PDE7B: variants seen among roughly 807,000 people sequenced by gnomAD.
The protein encoded by PDE7B is 3',5'-cyclic-AMP phosphodiesterase 7B.
A neutral mutation model predicts 56.2 loss-of-function variants in PDE7B; 29 were observed. The observed-to-expected ratio is 0.52, with a 90% CI of 0.38 to 0.70. PDE7B has a LOEUF of 0.70. Among genes scored for constraint, PDE7B ranks in the 30% least tolerant of loss-of-function variants. The pLI is 0.00. For synonymous variants in PDE7B, 197 were observed against 196.9 expected, an observed-to-expected ratio of 1.00 and a Z score of 0.00; for missense variants, 490 against 565.0, an observed-to-expected ratio of 0.87 and a Z score of 1.35.
chr6:136,037,801 C>G (rs1376745594), intron 2 of PDE7B: 18 of 985,426 alleles, frequency 1.8e-5, no homozygotes, highest in Non-Finnish European at 2.2e-5. Context: ...TAAGAGTCAA[C>G]AAACTTTGAC....
In PDE7B at chr6:136,173,787, T is replaced by C. The variant is rs1403537370; in HGVS notation, c.712-10T>C. On this transcript the variant is annotated splice_polypyrimidine_tract_variant and intron_variant, in intron 8 of 12. Transcript: ENST00000308191. The stretch of plus-strand genomic sequence containing the variant: ...CTCTCATTTATAACTCTTATTTTCT[T>C]TCTTTCTAGAATATGTCTGTGCTGG... The C allele has an allele frequency of 1.3e-6, 2 of 1,574,898 alleles. No homozygotes were observed. Among genetic ancestry groups the C allele is most frequent in the Admixed American group, 1.7e-5 (1 of 59,836 alleles).
intron 2 of PDE7B, among the ~76,000 whole-genome samples, chr6:136,002,267 C>G (rs1394247271): frequency 6.6e-6 from 1 of 152,180 alleles, no homozygotes; most frequent in Non-Finnish European, 1.5e-5. Context: ...TCAAGACCGT[C>G]AAGGCTAGGA....
intron 2 of PDE7B, among the ~76,000 whole-genome samples, chr6:136,012,980 C>T (rs1265128996): frequency 6.6e-6 from 1 of 152,060 alleles, no homozygotes; most frequent in East Asian, 1.9e-4. Context: ...AGGATTTCAT[C>T]CAATATAACA....
chr6:135,986,335 G>A (rs1327899726), intron 2 of PDE7B, among the ~76,000 whole-genome samples: 1 of 152,154 alleles, frequency 6.6e-6, no homozygotes, highest in East Asian at 1.9e-4. Flanking sequence ...TGCTCTTTCT[G>A]TACATTGCAA....
chr6:136,082,417 G>A (rs773743694), intron 2 of PDE7B, among the ~76,000 whole-genome samples: 2 of 152,184 alleles, frequency 1.3e-5, no homozygotes, highest in Non-Finnish European at 2.9e-5. Context: ...GACCTTAAGA[G>A]TAAGATTAAT....
chr6:135,876,641 G>A (rs934176536), intron 1 of PDE7B, among the ~76,000 whole-genome samples: 1 of 151,984 alleles, frequency 6.6e-6, no homozygotes, highest in East Asian at 1.9e-4. Flanking sequence ...GGTGAATCAC[G>A]AGGTCAGGAG....
chr6:136,123,910 A>G (rs2128443706), intron 3 of PDE7B, among the ~76,000 whole-genome samples: 1 of 152,288 alleles, frequency 6.6e-6, no homozygotes, highest in East Asian at 1.9e-4. Flanking sequence ...AGAGTAATAC[A>G]ATAGATTAAT....
intron 1 of PDE7B, among the ~76,000 whole-genome samples, chr6:135,935,118 A>G (rs1774388601): frequency 1.0e-5 from 1 of 96,634 alleles, no homozygotes. Flanking sequence ...TATTTTATAT[A>G]GAGAGAGATG....
chr6:135,862,963 G>A (rs1000036261), intron 1 of PDE7B, among the ~76,000 whole-genome samples: 13 of 151,760 alleles, frequency 8.6e-5, no homozygotes, highest in African/African-American at 3.1e-4. Context: ...AAACAAATTG[G>A]GATGTCCTAG....
chr6:136,118,843 C>T (rs1352260655), intron 3 of PDE7B, among the ~76,000 whole-genome samples: 7 of 151,976 alleles, frequency 4.6e-5, no homozygotes, highest in African/African-American at 1.7e-4. Flanking sequence ...TATCATTGAA[C>T]AAATATTCCT....
At chr6:136,160,801 C>T (rs1041554966) in intron 8 of PDE7B, among the ~76,000 whole-genome samples, 1 of 152,156 alleles carries the variant, frequency 6.6e-6, no homozygotes, top group Non-Finnish European at 1.5e-5. Context: ...GGCTGAACTT[C>T]CAGTTTCCCA....
At chr6:135,943,183 C>T (rs1308263195) in intron 1 of PDE7B, among the ~76,000 whole-genome samples, 2 of 152,068 alleles carry the variant, frequency 1.3e-5, no homozygotes, top group Non-Finnish European at 2.9e-5. Flanking sequence ...ACAATCTTAT[C>T]GACAATAATT....
In PDE7B at chr6:135,962,144, C is replaced by T. The variant is rs982023372; in HGVS notation, c.82+14620C>T. Among the ~76,000 whole-genome samples the T allele has an allele frequency of 2.6e-5, 4 of 152,016 alleles. No homozygotes were observed. The South Asian group carries it at 8.3e-4, about 32-fold the overall frequency. Reference sequence around the variant, plus strand: ...TCCTCTCAATTTTGCCCTAAAAAAACCAAAGACTTAAAAGACTTAAAAAAT... The same window carrying T: ...TCCTCTCAATTTTGCCCTAAAAAAATCAAAGACTTAAAAGACTTAAAAAAT... On this transcript the variant is annotated intron_variant, in intron 2 of 12. Transcript: ENST00000308191.
intron 2 of PDE7B, among the ~76,000 whole-genome samples, chr6:136,030,488 G>A (rs573388773): frequency 1.5e-4 from 23 of 152,232 alleles, no homozygotes; most frequent in Non-Finnish European, 2.8e-4. Flanking sequence ...TGTGTGTTTC[G>A]CTGAGACTGA....
At chr6:135,958,296 T>A (rs1210896998) in intron 2 of PDE7B, among the ~76,000 whole-genome samples, 2 of 152,186 alleles carry the variant, frequency 1.3e-5, no homozygotes, top group African/African-American at 4.8e-5. Context: ...TCCGCTTCTA[T>A]AAATTGGATT....
At chr6:135,886,158 G>C (rs1487023766) in intron 1 of PDE7B, among the ~76,000 whole-genome samples, 2 of 152,072 alleles carry the variant, frequency 1.3e-5, no homozygotes, top group Admixed American at 6.6e-5. Context: ...AAAATACTAA[G>C]ATACCGTTGA....
At chr6:136,004,355 C>A (rs983219072) in intron 2 of PDE7B, among the ~76,000 whole-genome samples, 8 of 151,928 alleles carry the variant, frequency 5.3e-5, no homozygotes, top group African/African-American at 7.3e-5. Context: ...CTGGCCAGGG[C>A]AATTAGGCAG....
intron 2 of PDE7B, among the ~76,000 whole-genome samples, chr6:136,087,183 G>A (rs192793510): frequency 7.2e-5 from 11 of 152,198 alleles, no homozygotes; most frequent in South Asian, 2.1e-4. Context: ...ATTGTGGCAC[G>A]GCTGGGCATC....
chr6:135,869,536 T>C (rs998336371), intron 1 of PDE7B, among the ~76,000 whole-genome samples: 2 of 152,112 alleles, frequency 1.3e-5, no homozygotes. Context: ...GGACTGGAAA[T>C]AAGTAGAAAA....
Sources: gnomAD v4.1 joint callset for allele counts (sites outside exome capture counted in the v4.1 genomes callset) on GRCh38, gnomAD v4.1.1 for gene constraint, MANE v1.5 for transcripts, NCBI Gene and HGNC (gene_info 2026-07-23, HGNC 2026-07-21) for gene names.